The following SMG5 variants were observed in gnomAD, a reference collection of about 807,000 sequenced individuals.
SMG5 encodes the protein nonsense-mediated mRNA decay factor SMG5.
A neutral mutation model predicts 122.9 loss-of-function variants in SMG5; 53 were observed. The ratio of observed to expected loss-of-function variants is 0.43; its 90% CI spans 0.35 to 0.54. The LOEUF (loss-of-function observed/expected upper bound fraction) is 0.54. Among genes scored for constraint, SMG5 ranks in the 20% least tolerant of loss-of-function variants. The probability of loss-of-function intolerance (pLI) is 0.01; values close to 1 mark genes in which losing one functional copy is unlikely to be tolerated. For missense variants in SMG5, 1,153 were observed against 1,285.6 expected, an observed-to-expected ratio of 0.90 and a Z score of 1.58; for synonymous variants, 477 against 490.2, an observed-to-expected ratio of 0.97 and a Z score of 0.35.
chr1:156,253,254 G>A (rs140319494), intron 17 of SMG5, among the ~76,000 whole-genome samples, 176 bp from the exon 18 acceptor site: 8 of 152,274 alleles, frequency 5.3e-5, no homozygotes, highest in East Asian at 1.9e-4. Context: ...TAAAGAGGGA[G>A]AGACAGAAAT....
At position 156,250,377 on chromosome 1, in the gene SMG5, C is replaced by T; in HGVS notation, c.*210G>A. 1.7e-6 allele frequency: 1 copy of T among 578,874 alleles called. No homozygotes were observed. The highest frequency in any genetic ancestry group is 2.9e-5 in the East Asian group (1 of 34,282). The allele number at this position is 578,874 out of a possible 1,614,324, so 35.9% of individuals were successfully genotyped here. On this transcript the variant is annotated 3_prime_UTR_variant, in exon 22 of 22. Coordinates refer to ENST00000361813, the MANE Select transcript of SMG5 (RefSeq NM_015327.3). ...AAGACTCTCCTAATCCAAGCACTTT[C>T]CTCGCTTTCCTAACGTCTTGGCAAC...
rs1369076305 is a variant in SMG5 at position 156,282,665 on chromosome 1, G to A, written c.16C>T (p.Pro6Ser). The A allele has an allele frequency of 5.6e-6, 9 of 1,605,706 alleles. No homozygotes were observed. In the East Asian group the frequency reaches 1.8e-4, roughly 32 times the overall value. The change falls in exon 1 of 22, where the codon CCC becomes TCC. Residue 6 changes from proline to serine, a missense_variant. Pro to Ser is a moderately conservative substitution (Grantham distance 74). Around this residue, in one of 5 missense-constraint regions of SMG5, gnomAD observed 213 missense variants for 197.5 expected, o/e 1.08. Coordinates refer to ENST00000361813, the MANE Select transcript of SMG5 (RefSeq NM_015327.3). MSQGPPTGESSEPEAK... is the reference protein window; with the variant it reads MSQGPSTGESSEPEAK... ...TCGGGCTCGCTGCTCTCCCCTGTGG[G>A]GGGGCCTTGGCTCATGGTGCCCGGG...
intron 16 of SMG5, among the ~76,000 whole-genome samples, chr1:156,257,988 T>C (rs1471624298): frequency 6.6e-6 from 1 of 152,238 alleles, no homozygotes; most frequent in Admixed American, 6.5e-5. Flanking sequence ...AACCAGATTG[T>C]TGCCCACAAG....
At chr1:156,267,721 C>G (rs1276774359) in intron 9 of SMG5, 43 bp from the exon 10 acceptor site, 1 of 1,511,730 alleles carries the variant, frequency 6.6e-7, no homozygotes, top group Non-Finnish European at 9.0e-7. Flanking sequence ...GTGGTGGGGG[C>G]TGGGGAAGGA....
chr1:156,249,359 C>T lies in SMG5; in HGVS notation c.*1228G>A, dbSNP rs1661194292. On this transcript the variant is annotated 3_prime_UTR_variant, in exon 22 of 22. Transcript: ENST00000361813. ...AGAGAGGCAGGAAGCCAACTATCCT[C>T]TAAGCCACAGCTTGGGAAGCTAGGC... 1 of 224,154 alleles carries T rather than the reference C, an allele frequency of 4.5e-6. No individual in the cohort carries two copies. The highest frequency in any genetic ancestry group is 9.0e-6 in the Non-Finnish European group (1 of 110,880). The allele number at this position is 224,154 out of a possible 1,614,324, so 13.9% of individuals were successfully genotyped here. A position where few individuals can be genotyped will look rare whatever the true frequency, so the allele number is the denominator to read the frequency against.
At chr1:156,285,175 T>A, upstream of SMG5, 1 of 1,510,654 alleles carries the variant, frequency 6.6e-7, no homozygotes, top group Non-Finnish European at 8.8e-7. Flanking sequence ...TTTCCTCTGT[T>A]CCCTGCAGGA....
chr1:156,264,847 G>A (rs7523099), intron 12 of SMG5, among the ~76,000 whole-genome samples: 33,684 of 151,932 alleles, frequency 0.22, 3,961 homozygotes, highest in Admixed American at 0.32. Context: ...CCAACATGGC[G>A]AAACCCCGTC....
upstream of SMG5, chr1:156,285,939 A>G (rs150557364): frequency 3.1e-6 from 5 of 1,613,008 alleles, no homozygotes; most frequent in African/African-American, 6.7e-5. Context: ...CGCCTGATCT[A>G]CACACTGCGC....
In SMG5 at chr1:156,282,777, G is replaced by GCCACCGCCA; in HGVS notation, c.-98_-97insTGGCGGTGG. 7.5e-7 allele frequency: 1 copy of GCCACCGCCA among 1,328,008 alleles called. No individual in the cohort carries two copies. The highest frequency in any genetic ancestry group is 2.0e-4 in the Middle Eastern group (1 of 4,926). The allele number at this position is 1,328,008 out of a possible 1,614,324, so 82.3% of individuals were successfully genotyped here. On this transcript the variant is annotated 5_prime_UTR_variant, in exon 1 of 22. Coordinates refer to ENST00000361813, the MANE Select transcript of SMG5 (RefSeq NM_015327.3). ...TCCGGCCGTAGCCGCAGCCGCCGCCGCCACCGGCCCTGCTCGGCCGCCATC... is the reference window on the plus strand; with the variant it reads ...TCCGGCCGTAGCCGCAGCCGCCGCCGCCACCGCCACCACCGGCCCTGCTCGGCCGCCATC...
chr1:156,286,400 G>A (rs147736417), upstream of SMG5: 203 of 1,614,182 alleles, frequency 1.3e-4, no homozygotes, highest in East Asian at 3.9e-3. Context: ...CAACCTGGCC[G>A]TGCTTTCCAC....
intron 5 of SMG5, 70 bp from the exon 6 acceptor site, chr1:156,273,520 G>A: frequency 7.0e-7 from 1 of 1,427,772 alleles, no homozygotes; most frequent in Non-Finnish European, 9.7e-7. Flanking sequence ...CCACATCTGG[G>A]AGTCCACTCT....
Position 156,257,352 on chromosome 1 carries a change from C to T in SMG5, c.2442+1653G>A, listed in dbSNP as rs146401954. 7.0e-4 allele frequency among the ~76,000 whole-genome samples: 106 copies of T among 152,242 alleles called. 4 individuals carry two copies. The East Asian group carries it at 0.02, about 29-fold the overall frequency. ...AGAAAACTCTTGATAAATGTGATAA[C>T]GACAACACTCCTCTGGGCTGGGGAT... On this transcript the variant is annotated intron_variant, in intron 16 of 21. Coordinates refer to ENST00000361813, the MANE Select transcript of SMG5 (RefSeq NM_015327.3).
At chr1:156,275,533 CAG>C (rs972816910) in intron 4 of SMG5, among the ~76,000 whole-genome samples, 11 of 152,244 alleles carry the variant, frequency 7.2e-5, no homozygotes, top group Admixed American at 4.6e-4. Flanking sequence ...TGCTAAGCAG[CAG>C]AGTTAGGATA....
In SMG5 at chr1:156,249,284, T is replaced by G; in HGVS notation, c.*1303A>C. 5.5e-6 allele frequency: 1 copy of G among 182,368 alleles called. No homozygotes were observed. 11.3% of individuals were successfully genotyped at this position (182,368 alleles called of 1,614,324 possible). A position where few individuals can be genotyped will look rare whatever the true frequency, so the allele number is the denominator to read the frequency against. ...CTCAGTCTCTGCCAGCAACTGGGAG[T>G]GGGGTGACTCCACTCACCCCAGGAT... is the stretch of plus-strand genomic sequence containing the variant. On this transcript the variant is annotated 3_prime_UTR_variant, in exon 22 of 22. Coordinates refer to ENST00000361813, the MANE Select transcript of SMG5 (RefSeq NM_015327.3).
At chr1:156,276,795 G>T (rs1662703340) in intron 4 of SMG5, among the ~76,000 whole-genome samples, 1 of 152,134 alleles carries the variant, frequency 6.6e-6, no homozygotes, top group Non-Finnish European at 1.5e-5. Flanking sequence ...AATTCAACTG[G>T]GAGAAGAAAA....
chr1:156,286,086 C>A (rs1663151161), upstream of SMG5: 12 of 1,493,484 alleles, frequency 8.0e-6, no homozygotes, highest in African/African-American at 1.4e-5. Flanking sequence ...TGACCTGGGC[C>A]CCTCAGGGTC....
chr1:156,266,327 G>C lies in SMG5; in HGVS notation c.1309C>G (p.Pro437Ala). ...CCCACTTGGGGTGTTACAGGAGGAG[G>C]CTCAGGATCTGGCTCCTCCTCTTTC... ...VEKEEEPDPE[P>A]PPVTPQVGEG... Residue 437 changes from proline (P) to alanine (A), a missense_variant, in exon 12 of 22, where the codon CCT becomes GCT. Pro to Ala is a conservative substitution (Grantham distance 27). Around this residue, in one of 5 missense-constraint regions of SMG5, gnomAD observed 631 missense variants for 650.6 expected, o/e 0.97. Coordinates refer to ENST00000361813, the MANE Select transcript of SMG5 (RefSeq NM_015327.3). 1 of 1,614,120 alleles carries C rather than the reference G, an allele frequency of 6.2e-7. No individual in the cohort carries two copies. The highest frequency in any genetic ancestry group is 8.5e-7 in the Non-Finnish European group (1 of 1,180,010).
chr1:156,249,630 C>T lies in SMG5; in HGVS notation c.*957G>A, dbSNP rs1661220758. ...GTCCTGCGGAAGGCAAAAGGAGGGA[C>T]GGGGGCCTCTGACTGAGCAGCTTCA... On this transcript the variant is annotated 3_prime_UTR_variant, in exon 22 of 22. Transcript: ENST00000361813. 7 of 411,050 alleles carry T rather than the reference C, an allele frequency of 1.7e-5. No individual in the cohort carries two copies. The highest frequency in any genetic ancestry group is 5.7e-5 in the Admixed American group (2 of 35,206). The allele number at this position is 411,050 out of a possible 1,614,324, so 25.5% of individuals were successfully genotyped here. A position where few individuals can be genotyped will look rare whatever the true frequency, so the allele number is the denominator to read the frequency against.
At chr1:156,286,143 TC>T, upstream of SMG5, 1 of 1,363,732 alleles carries the variant, frequency 7.3e-7, no homozygotes, top group Non-Finnish European at 1.0e-6. Flanking sequence ...CAGGACCACC[TC>T]CACCCCACTG....
Sources: gnomAD v4.1 joint callset for allele counts (sites outside exome capture counted in the v4.1 genomes callset) on GRCh38, gnomAD v4.1.1 for gene constraint, gnomAD v4.1.1 regional missense constraint, MANE v1.5 for transcripts, NCBI Gene and HGNC (gene_info 2026-07-23, HGNC 2026-07-21) for gene names.